The following SFT2D2 variants were observed in gnomAD, a reference collection of about 807,000 sequenced individuals.
The protein encoded by SFT2D2 is SFT2 domain containing 2, also known as vesicle transport protein SFT2B.
SFT2D2 carries 21 observed loss-of-function variants against 27.4 expected under a neutral mutation model. That is an observed-to-expected ratio of 0.77 (90% CI 0.54 to 1.10). The LOEUF (loss-of-function observed/expected upper bound fraction) is 1.10. Ranked by LOEUF, SFT2D2 falls within the 50% of genes least tolerant of loss-of-function variation. SFT2D2 has a pLI of 0.00. For missense variants in SFT2D2, 187 were observed against 194.2 expected (o/e 0.96, Z 0.22); for synonymous variants, 72 against 71.7 (o/e 1.00, Z -0.02).
rs1444461785 is a variant in SFT2D2 at position 168,247,285 on chromosome 1, T to C, written c.*4745T>C. On this transcript the variant is annotated 3_prime_UTR_variant, in exon 8 of 8. Transcript: ENST00000271375. ...GGGGTACATGTGCAGAACATGCGGG[T>C]TTGTTACATAGGTATACATGTAATG... 4.0e-6 allele frequency: 1 copy of C among 247,292 alleles called. No individual in the cohort carries two copies. The highest frequency in any genetic ancestry group is 1.3e-4 in the East Asian group (1 of 7,850). The allele number at this position is 247,292 out of a possible 1,614,324, so 15.3% of individuals were successfully genotyped here. A position where few individuals can be genotyped will look rare whatever the true frequency, so the allele number is the denominator to read the frequency against.
At position 168,233,935 on chromosome 1, in the gene SFT2D2, C is replaced by G. The variant is rs75381742; in HGVS notation, c.237-1166C>G. Among the ~76,000 whole-genome samples the G allele has an allele frequency of 2.9e-3, 437 of 152,314 alleles. 5 individuals carry two copies. The highest frequency in any genetic ancestry group is 9.5e-3 in the African/African-American group (394 of 41,562). ...TCGGTGTAGGTTAAAGAAGTGTTCT[C>G]TTAGTTGGGACACTTGAGAGTGAAG... On this transcript the variant is annotated intron_variant, in intron 3 of 7. Transcript: ENST00000271375.
intron 1 of SFT2D2, among the ~76,000 whole-genome samples, chr1:168,226,625 G>A (rs1490062298): frequency 6.6e-6 from 1 of 152,106 alleles, no homozygotes; most frequent in African/African-American, 2.4e-5. Flanking sequence ...TTTTCTGTCC[G>A]GTTTAGGTTG....
At chr1:168,240,816 G>T (rs1484251790) in intron 7 of SFT2D2, among the ~76,000 whole-genome samples, 1 of 152,128 alleles carries the variant, frequency 6.6e-6, no homozygotes, top group Non-Finnish European at 1.5e-5. Flanking sequence ...GGAGGCTGAG[G>T]CAGTAGAATC....
chr1:168,233,644 G>T (rs1161872256), intron 3 of SFT2D2, among the ~76,000 whole-genome samples: 1 of 149,714 alleles, frequency 6.7e-6, no homozygotes, highest in Non-Finnish European at 1.5e-5. Context: ...AACTTTGGGT[G>T]GGGGGGTGTT....
intron 1 of SFT2D2, chr1:168,229,731 G>C (rs1700494415): frequency 6.8e-6 from 1 of 148,070 alleles, no homozygotes; most frequent in Non-Finnish European, 1.5e-5. Context: ...TTTGGTTTTT[G>C]CATGACTAGG....
intron 7 of SFT2D2, among the ~76,000 whole-genome samples, chr1:168,239,868 A>G (rs755040281): frequency 6.6e-6 from 1 of 151,248 alleles, no homozygotes; most frequent in African/African-American, 2.4e-5. Flanking sequence ...TTAATTAAAA[A>G]CAAGCTTTTT....
Position 168,236,123 on chromosome 1 carries a change from G to A in SFT2D2, c.319-466G>A, listed in dbSNP as rs562594095. On this transcript the variant is annotated intron_variant, in intron 4 of 7. Transcript: ENST00000271375. Reference sequence around the variant, plus strand: ...TTGCAGAAAGAGCTTTCTAAGAATGGCCTTAGGGAAAGTGTTAGGTGATAG... The same window carrying A: ...TTGCAGAAAGAGCTTTCTAAGAATGACCTTAGGGAAAGTGTTAGGTGATAG... 7.9e-5 allele frequency among the ~76,000 whole-genome samples: 12 copies of A among 152,352 alleles called. No individual in the cohort carries two copies. The East Asian group carries it at 2.3e-3, about 29-fold the overall frequency.
At chr1:168,232,156 G>A (rs552693199) in intron 3 of SFT2D2, among the ~76,000 whole-genome samples, 1 of 152,284 alleles carries the variant, frequency 6.6e-6, no homozygotes, top group African/African-American at 2.4e-5. Flanking sequence ...TACAGAAACT[G>A]CGACACAAAG....
rs750761698 is a variant in SFT2D2 at position 168,242,670 on chromosome 1, A to T, written c.*130A>T. 9.8e-6 allele frequency: 11 copies of T among 1,118,866 alleles called. No individual in the cohort carries two copies. The highest frequency in any genetic ancestry group is 1.5e-5 in the Non-Finnish European group (11 of 737,502). The allele number at this position is 1,118,866 out of a possible 1,614,324, so 69.3% of individuals were successfully genotyped here. ...ATCTTGCAGCAATGTGTTGCTTGTG[A>T]TTCGAACATTTGAGGGTTACTTTTG... On this transcript the variant is annotated 3_prime_UTR_variant, in exon 8 of 8. Transcript: ENST00000271375.
intron 7 of SFT2D2, among the ~76,000 whole-genome samples, 184 bp downstream of exon 7, chr1:168,239,344 T>C (rs1381253728): frequency 6.6e-6 from 1 of 152,128 alleles, no homozygotes; most frequent in East Asian, 1.9e-4. Flanking sequence ...ATTATACAAC[T>C]AATGATGGAT....
Position 168,245,613 on chromosome 1 carries a change from C to A in SFT2D2, c.*3073C>A, listed in dbSNP as rs990817242. On this transcript the variant is annotated 3_prime_UTR_variant, in exon 8 of 8. Transcript: ENST00000271375. ...AATTAAAAACTGGTTTTAAGATTCA[C>A]ATGGCATGCAGATGATCTAGAAGAT... is the stretch of plus-strand genomic sequence containing the variant. 5 of 138,346 alleles carry A rather than the reference C, an allele frequency of 3.6e-5. No homozygotes were observed. Among genetic ancestry groups the A allele is most frequent in the African/African-American group, 1.3e-4 (5 of 37,094 alleles). The allele number at this position is 138,346 out of a possible 1,614,324, so 8.6% of individuals were successfully genotyped here.
intron 1 of SFT2D2, 37 bp from the exon 2 acceptor site, chr1:168,231,477 T>C: frequency 1.3e-6 from 2 of 1,519,286 alleles, no homozygotes; most frequent in Non-Finnish European, 9.1e-7. Flanking sequence ...TTTTAGTAAA[T>C]GTGTGTGTAT....
At position 168,244,978 on chromosome 1, in the gene SFT2D2, A is replaced by C. The variant is rs139033859; in HGVS notation, c.*2438A>C. 20 of 152,282 alleles carry C rather than the reference A, an allele frequency of 1.3e-4. No homozygotes were observed. The East Asian group carries it at 3.9e-3, about 29-fold the overall frequency. 9.4% of individuals were successfully genotyped at this position (152,282 alleles called of 1,614,324 possible). A position where few individuals can be genotyped will look rare whatever the true frequency, so the allele number is the denominator to read the frequency against. Reference sequence around the variant, plus strand: ...TTAAAATATCTACTGCTAACATCCTATGTAATGATGAAAGGCTGAATGTTT... The same window carrying C: ...TTAAAATATCTACTGCTAACATCCTCTGTAATGATGAAAGGCTGAATGTTT... On this transcript the variant is annotated 3_prime_UTR_variant, in exon 8 of 8. Transcript: ENST00000271375.
chr1:168,238,800 A>G (rs1337848516), intron 6 of SFT2D2, among the ~76,000 whole-genome samples: 2 of 152,286 alleles, frequency 1.3e-5, no homozygotes, highest in Non-Finnish European at 2.9e-5. Context: ...CCATCTGGGT[A>G]TTTGAAATCT....
intron 1 of SFT2D2, among the ~76,000 whole-genome samples, chr1:168,230,817 C>T (rs1558175041): frequency 1.3e-5 from 2 of 152,154 alleles, no homozygotes; most frequent in Non-Finnish European, 2.9e-5. Flanking sequence ...GGGAGCTACT[C>T]ACAGGCTCTC....
At chr1:168,231,244 A>G (rs1647272375) in intron 1 of SFT2D2, among the ~76,000 whole-genome samples, 1 of 152,098 alleles carries the variant, frequency 6.6e-6, no homozygotes, top group Non-Finnish European at 1.5e-5. Context: ...TGTTCTTGAA[A>G]TGGGTTGTGC....
chr1:168,239,362 C>T (rs1647586223), intron 7 of SFT2D2, among the ~76,000 whole-genome samples: 1 of 152,098 alleles, frequency 6.6e-6, no homozygotes, highest in African/African-American at 2.4e-5. Flanking sequence ...GATATTTACC[C>T]AGGTACACTG....
chr1:168,246,436 G>GT lies in SFT2D2; in HGVS notation c.*3899dup. 9.2e-7 allele frequency: 1 copy of GT among 1,089,772 alleles called. No homozygotes were observed. The highest frequency in any genetic ancestry group is 1.3e-6 in the Non-Finnish European group (1 of 790,352). 67.5% of individuals were successfully genotyped at this position (1,089,772 alleles called of 1,614,324 possible). A position where few individuals can be genotyped will look rare whatever the true frequency, so the allele number is the denominator to read the frequency against. ...TTTTCAATGTCCTTCATTTGACACC[G>GT]TTTGGTTTAGCTCTCTTTGTATGTG... is the stretch of plus-strand genomic sequence containing the variant. On this transcript the variant is annotated 3_prime_UTR_variant, in exon 8 of 8. Coordinates refer to ENST00000271375, the MANE Select transcript of SFT2D2 (RefSeq NM_199344.3).
At chr1:168,242,404 G>C in intron 7 of SFT2D2, 97 bp from the exon 8 acceptor site, 1 of 1,294,928 alleles carries the variant, frequency 7.7e-7, no homozygotes, top group Non-Finnish European at 1.1e-6. Context: ...TTCAGTCTAG[G>C]TGCTTTCTAC....
Sources: gnomAD v4.1 joint callset for allele counts (sites outside exome capture counted in the v4.1 genomes callset) on GRCh38, gnomAD v4.1.1 for gene constraint, MANE v1.5 for transcripts, NCBI Gene and HGNC (gene_info 2026-07-23, HGNC 2026-07-21) for gene names.